The following DNAH5 variants were observed in gnomAD, a reference collection of about 807,000 sequenced individuals.
DNAH5 encodes the protein axonemal beta dynein heavy chain 5.
In DNAH5, 372 loss-of-function variants were observed where a neutral mutation model predicts 518.2. The observed-to-expected ratio is 0.72, with a 90% CI of 0.66 to 0.78. The LOEUF is 0.78. DNAH5 is among the 30% of genes least tolerant of loss of function. The pLI, the probability that DNAH5 is intolerant of heterozygous loss-of-function variation, is 0.00. For synonymous variants in DNAH5, 2,039 were observed against 2,025.9 expected, an observed-to-expected ratio of 1.01 and a Z score of -0.17; for missense variants, 5,523 against 5,687.0, an observed-to-expected ratio of 0.97 and a Z score of 0.93.
At chr5:13,799,287 T>C (rs950647023) in intron 47 of DNAH5, among the ~76,000 whole-genome samples, 2 of 151,576 alleles carry the variant, frequency 1.3e-5, no homozygotes, top group South Asian at 4.2e-4. Context: ...CACCTCCTTA[T>C]GGCCAACTAG....
chr5:13,812,709 A>T (rs1760883074), intron 43 of DNAH5, among the ~76,000 whole-genome samples: 1 of 152,214 alleles, frequency 6.6e-6, no homozygotes, highest in Admixed American at 6.5e-5. Context: ...TATCAAGGAT[A>T]TTCATGAAAA....
chr5:13,931,407 AATTT>A (rs1185036093), intron 1 of DNAH5, among the ~76,000 whole-genome samples, 163 bp from the exon 2 acceptor site: 3 of 152,230 alleles, frequency 2.0e-5, no homozygotes, highest in African/African-American at 4.8e-5. Context: ...TTTTAGAAAT[AATTT>A]ATTTCTCTTA....
chr5:13,734,180 A>T (rs79426507), intron 68 of DNAH5, among the ~76,000 whole-genome samples: 1,574 of 152,290 alleles, frequency 0.01, 36 homozygotes, highest in African/African-American at 0.036. Context: ...GCTCCCCAGC[A>T]TGTGAAGATG....
intron 1 of DNAH5, among the ~76,000 whole-genome samples, chr5:14,000,037 A>G (rs1174316252): frequency 6.6e-6 from 1 of 152,232 alleles, no homozygotes; most frequent in Non-Finnish European, 1.5e-5. Flanking sequence ...TACGGGTTGA[A>G]CTGTGTCCCA....
Position 13,776,455 on chromosome 5 carries a change from T to C in DNAH5, c.9357A>G (p.Lys3119=). 6.2e-7 allele frequency: 1 copy of C among 1,613,766 alleles called. No individual in the cohort carries two copies. Among genetic ancestry groups the C allele is most frequent in the Non-Finnish European group, 8.5e-7 (1 of 1,179,728 alleles). The change falls in exon 55 of 79, where the codon AAA becomes AAG. Residue 3119 remains lysine (K), a synonymous_variant. Transcript: ENST00000265104. The part of the protein sequence containing the change: ...CTIDWFSRWP[K]DALVAVSEHF... Reference sequence around the variant, plus strand: ...CATACTAACCAGCAACTAAAGCATCTTTGGGCCATCGGCTGAACCAGTCAA... The same window carrying C: ...CATACTAACCAGCAACTAAAGCATCCTTGGGCCATCGGCTGAACCAGTCAA...
chr5:13,813,426 A>G (rs1056568449), intron 43 of DNAH5, among the ~76,000 whole-genome samples: 21 of 147,412 alleles, frequency 1.4e-4, no homozygotes, highest in Non-Finnish European at 2.7e-4. Context: ...AAGCCTGGCT[A>G]TGTGAAAAAA....
intron 55 of DNAH5, among the ~76,000 whole-genome samples, chr5:13,774,701 G>A (rs529474800): frequency 1.3e-5 from 2 of 152,274 alleles, no homozygotes; most frequent in South Asian, 2.1e-4. Context: ...ATAAAGAAAG[G>A]AAAGTTTCTC....
Position 13,829,538 on chromosome 5 carries a change from T to C in DNAH5, c.6416A>G (p.Lys2139Arg), listed in dbSNP as rs151336435. Residue 2139 changes from lysine to arginine, a missense_variant, in exon 38 of 79, where the codon AAA becomes AGA. Lys to Arg is a conservative substitution (Grantham distance 26). Around this residue, in one of 3 missense-constraint regions of DNAH5, gnomAD observed 5,121 missense variants for 5,223.3 expected, o/e 0.98. Transcript: ENST00000265104. The stretch of plus-strand genomic sequence containing the variant: ...CTTAGAAAGCTGCTCCTCACACAGT[T>C]TGTAGAGCGTGAAAAACTTCCTGGC... ...VLARKFFTLY[K>R]LCEEQLSKQV... 6 of 1,613,982 alleles carry C rather than the reference T, an allele frequency of 3.7e-6. No individual in the cohort carries two copies. In the Admixed American group the frequency reaches 8.3e-5, roughly 22 times the overall value.
At chr5:13,858,261 CT>C (rs1485119650) in intron 30 of DNAH5, among the ~76,000 whole-genome samples, 1 of 152,170 alleles carries the variant, frequency 6.6e-6, no homozygotes, top group East Asian at 1.9e-4. Context: ...AATCCATGTC[CT>C]TTGCAGGGAC....
intron 68 of DNAH5, among the ~76,000 whole-genome samples, chr5:13,732,148 G>A (rs1746668167): frequency 6.7e-6 from 1 of 149,874 alleles, no homozygotes; most frequent in Non-Finnish European, 1.5e-5. Context: ...ATGGAAATCT[G>A]TTGTGGCTAT....
chr5:13,942,420 G>A (rs1464803353), intron 1 of DNAH5, among the ~76,000 whole-genome samples: 1 of 152,146 alleles, frequency 6.6e-6, no homozygotes, highest in African/African-American at 2.4e-5. Flanking sequence ...CGATCATGAA[G>A]TTATAATATA....
intron 35 of DNAH5, among the ~76,000 whole-genome samples, chr5:13,833,421 AGAGT>A (rs1200577331): frequency 3.5e-5 from 5 of 143,490 alleles, no homozygotes; most frequent in African/African-American, 8.0e-5. Flanking sequence ...CCTGGGCAAC[AGAGT>A]GAGTGAGACT....
chr5:13,933,976 T>G (rs1394948790), intron 1 of DNAH5, among the ~76,000 whole-genome samples: 1 of 152,086 alleles, frequency 6.6e-6, no homozygotes, highest in East Asian at 1.9e-4. Flanking sequence ...ACAGCTCTTT[T>G]GCAGTGTGAC....
intron 5 of DNAH5, 92 bp from the exon 6 acceptor site, chr5:13,920,709 A>G (rs1777160272): frequency 6.8e-7 from 1 of 1,474,524 alleles, no homozygotes; most frequent in Non-Finnish European, 9.4e-7. Context: ...GCACTCTGAC[A>G]GCGCTCTGGA....
chr5:13,865,841 C>G lies in DNAH5; in HGVS notation c.4182G>C (p.Leu1394=), dbSNP rs764257263. 4 of 1,613,606 alleles carry G rather than the reference C, an allele frequency of 2.5e-6. No homozygotes were observed. The highest frequency in any genetic ancestry group is 2.5e-6 in the Non-Finnish European group (3 of 1,179,736). The part of the protein sequence containing the change: ...TYTGGEELFG[L]PATQYPQLLE... ...GAAGCTGAGGATACTGTGTAGCTGG[C>G]AGGCCAAAAAGCTCCTCTCCTCCAG... The change falls in exon 27 of 79, where the codon CTG becomes CTC. Residue 1394 remains leucine (L), a synonymous_variant. Coordinates refer to ENST00000265104, the MANE Select transcript of DNAH5 (RefSeq NM_001369.3).
chr5:13,909,147 A>C (rs1436555675), intron 12 of DNAH5, among the ~76,000 whole-genome samples: 2 of 152,086 alleles, frequency 1.3e-5, no homozygotes, highest in African/African-American at 4.8e-5. Flanking sequence ...GTAGAATGGG[A>C]ACTAATACAG....
At position 13,830,114 on chromosome 5, in the gene DNAH5, G is replaced by T. The variant is rs778268230; in HGVS notation, c.6161C>A (p.Thr2054Lys). Reference sequence around the variant, plus strand: ...AGACTTTTTGTGCTCCTTTTTACATGTCAGAATAATGGAAATTTGCTGGGC... The same window carrying T: ...AGACTTTTTGTGCTCCTTTTTACATTTCAGAATAATGGAAATTTGCTGGGC... ...VAAQQISIIL[T>K]CKKEHKKSFI... The change falls in exon 37 of 79, where the codon ACA (threonine) becomes AAA (lysine). Residue 2054 changes from threonine (T) to lysine (K), a missense_variant. Thr to Lys is a moderately conservative substitution (Grantham distance 78). Coordinates refer to ENST00000265104, the MANE Select transcript of DNAH5 (RefSeq NM_001369.3). The T allele has an allele frequency of 2.4e-5, 38 of 1,613,702 alleles. No homozygotes were observed. Among genetic ancestry groups the T allele is most frequent in the Non-Finnish European group, 3.1e-5 (37 of 1,179,782 alleles).
intron 50 of DNAH5, among the ~76,000 whole-genome samples, chr5:13,791,401 A>T (rs2126895952): frequency 6.6e-6 from 1 of 152,320 alleles, no homozygotes; most frequent in South Asian, 2.1e-4. Context: ...TTCTTATAAC[A>T]CTGGGAAATG....
intron 31 of DNAH5, among the ~76,000 whole-genome samples, chr5:13,849,516 T>C (rs530065090): frequency 2.0e-4 from 30 of 152,306 alleles, no homozygotes; most frequent in South Asian, 6.2e-4. Flanking sequence ...TCTCCCCAGG[T>C]AACTTTTATT....
Sources: allele counts gnomAD v4.1 joint callset (sites outside exome capture counted in the v4.1 genomes callset), GRCh38; gene constraint gnomAD v4.1.1; regional missense constraint gnomAD v4.1.1; transcripts MANE v1.5; gene names NCBI Gene and HGNC (gene_info 2026-07-23, HGNC 2026-07-21).